Variants in LRMDA observed in about 807,000 individuals in gnomAD.
LRMDA encodes the protein leucine-rich melanocyte differentiation-associated protein.
In LRMDA, 18 loss-of-function variants were observed where a neutral mutation model predicts 29.8. The ratio of observed to expected loss-of-function variants is 0.60; its 90% CI spans 0.42 to 0.90. The LOEUF (loss-of-function observed/expected upper bound fraction) is 0.90, where lower values mean the gene tolerates loss of function less well. LRMDA is among the 40% of genes least tolerant of loss of function. The pLI is 0.00. For missense variants in LRMDA, 273 were observed against 273.9 expected (o/e 1.00, Z 0.02); for synonymous variants, 125 against 109.4 (o/e 1.14, Z -0.89).
chr10:75,996,176 T>C (rs921647121), intron 2 of LRMDA, among the ~76,000 whole-genome samples: 1 of 152,150 alleles, frequency 6.6e-6, no homozygotes, highest in African/African-American at 2.4e-5. Context: ...GGTCCTAAAA[T>C]CTCTAAAACA....
intron 2 of LRMDA, among the ~76,000 whole-genome samples, chr10:75,675,736 A>G (rs913731721): frequency 1.3e-5 from 2 of 151,916 alleles, no homozygotes; most frequent in Non-Finnish European, 2.9e-5. Flanking sequence ...TTGAAAAACT[A>G]TCTTTACCAG....
At chr10:76,166,703 T>C (rs1850747086) in intron 5 of LRMDA, among the ~76,000 whole-genome samples, 2 of 152,250 alleles carry the variant, frequency 1.3e-5, no homozygotes, top group African/African-American at 4.8e-5. Context: ...CCACATTTTC[T>C]TTATCTAGTC....
At chr10:75,489,226 T>TAA (rs33952475) in intron 2 of LRMDA, among the ~76,000 whole-genome samples, 90,997 of 132,014 alleles carry the variant, frequency 0.69, 31,468 homozygotes, top group Admixed American at 0.76. Flanking sequence ...GGATTTTTAG[T>TAA]AAAAAAAAAA....
chr10:75,862,142 T>C (rs1242568630), intron 2 of LRMDA, among the ~76,000 whole-genome samples: 1 of 151,150 alleles, frequency 6.6e-6, no homozygotes, highest in Non-Finnish European at 1.5e-5. Flanking sequence ...ATCCACTACA[T>C]TTGTTATATA....
Position 75,961,210 on chromosome 10 carries a change from C to G in LRMDA, c.132-74798C>G, listed in dbSNP as rs547376827. ...TTGCCAGCCTGCAAATTAAAACACT[C>G]TTAATATTTTGATGTATTTCCTTCC... On this transcript the variant is annotated intron_variant, in intron 2 of 6. Transcript: ENST00000611255. Among the ~76,000 whole-genome samples the G allele has an allele frequency of 1.6e-4, 24 of 152,208 alleles. 1 individual carries two copies. The highest frequency in any genetic ancestry group is 2.9e-4 in the Non-Finnish European group (20 of 68,036).
chr10:76,403,937 A>G (rs139394629), intron 6 of LRMDA, among the ~76,000 whole-genome samples: 103 of 152,142 alleles, frequency 6.8e-4, no homozygotes, highest in African/African-American at 2.2e-3. Flanking sequence ...GACACCCTCA[A>G]TGGTGCCCGC....
chr10:76,376,562 T>C (rs540708295), intron 6 of LRMDA, among the ~76,000 whole-genome samples: 1 of 152,252 alleles, frequency 6.6e-6, no homozygotes, highest in African/African-American at 2.4e-5. Context: ...ATATAATTTT[T>C]TTTCCTTTGG....
At chr10:76,093,203 A>G (rs1441083117) in intron 5 of LRMDA, among the ~76,000 whole-genome samples, 2 of 152,006 alleles carry the variant, frequency 1.3e-5, no homozygotes, top group Admixed American at 6.6e-5. Context: ...ATGACCAGCT[A>G]ATTTTTGTAT....
At chr10:75,481,514 C>T (rs1403707608) in intron 2 of LRMDA, among the ~76,000 whole-genome samples, 9 of 152,152 alleles carry the variant, frequency 5.9e-5, no homozygotes, top group Non-Finnish European at 1.3e-4. Context: ...GTCCTCTAAA[C>T]ACTTTTAGTT....
At chr10:75,618,504 A>G (rs1440027400) in intron 2 of LRMDA, among the ~76,000 whole-genome samples, 1 of 80,200 alleles carries the variant, frequency 1.2e-5, no homozygotes, top group Non-Finnish European at 2.5e-5. Context: ...TATATCAACC[A>G]TATATATTAT....
At chr10:75,446,617 T>G (rs1688228470) in intron 2 of LRMDA, among the ~76,000 whole-genome samples, 1 of 152,266 alleles carries the variant, frequency 6.6e-6, no homozygotes, top group South Asian at 2.1e-4. Context: ...AACCCTTTGC[T>G]TATCTGTTGT....
At chr10:75,868,859 C>T (rs2132329666) in intron 2 of LRMDA, among the ~76,000 whole-genome samples, 1 of 152,332 alleles carries the variant, frequency 6.6e-6, no homozygotes, top group Non-Finnish European at 1.5e-5. Context: ...GGGTCCTTAA[C>T]ACATGCAGCT....
At chr10:75,471,952 A>T (rs1474325459) in intron 2 of LRMDA, among the ~76,000 whole-genome samples, 1 of 152,064 alleles carries the variant, frequency 6.6e-6, no homozygotes, top group Non-Finnish European at 1.5e-5. Context: ...CTGGTTCAAG[A>T]CATACTTCTT....
intron 6 of LRMDA, among the ~76,000 whole-genome samples, chr10:76,373,637 G>A (rs1218048488): frequency 3.3e-5 from 5 of 152,084 alleles, no homozygotes; most frequent in Non-Finnish European, 7.4e-5. Flanking sequence ...CCTTTGGGAA[G>A]GCCCAATTGG....
intron 5 of LRMDA, among the ~76,000 whole-genome samples, chr10:76,244,975 A>G (rs777453584): frequency 5.3e-5 from 8 of 152,140 alleles, no homozygotes; most frequent in Non-Finnish European, 1.0e-4. Flanking sequence ...CCAGTCATTT[A>G]ACTTCTCTGA....
At chr10:75,833,919 T>C (rs548580554) in intron 2 of LRMDA, among the ~76,000 whole-genome samples, 138 of 152,150 alleles carry the variant, frequency 9.1e-4, no homozygotes, top group Non-Finnish European at 1.7e-3. Context: ...CAAACTTCTT[T>C]AGGTTTCAGG....
At chr10:75,982,981 T>G (rs1351823414) in intron 2 of LRMDA, among the ~76,000 whole-genome samples, 15 of 152,136 alleles carry the variant, frequency 9.9e-5, no homozygotes, top group Admixed American at 4.6e-4. Flanking sequence ...AGAGGGTAAA[T>G]ATCTTGCTCA....
At chr10:75,860,363 C>G (rs1589231975) in intron 2 of LRMDA, among the ~76,000 whole-genome samples, 1 of 137,536 alleles carries the variant, frequency 7.3e-6, no homozygotes, top group South Asian at 2.4e-4. Flanking sequence ...GCTCTTTTAC[C>G]CAGGCTGGAG....
intron 2 of LRMDA, among the ~76,000 whole-genome samples, chr10:75,612,307 A>G (rs896356086): frequency 2.6e-5 from 4 of 152,188 alleles, no homozygotes; most frequent in Admixed American, 2.0e-4. Context: ...ACCTCTTTTA[A>G]TAAACTAGTG....
Sources: allele counts gnomAD v4.1 joint callset (sites outside exome capture counted in the v4.1 genomes callset), GRCh38; gene constraint gnomAD v4.1.1; transcripts MANE v1.5; gene names NCBI Gene and HGNC (gene_info 2026-07-23, HGNC 2026-07-21).